Variants in BNC2 observed in about 807,000 individuals in gnomAD.
BNC2 encodes zinc finger protein basonuclin-2.
Under a neutral mutation model 76.3 loss-of-function variants are expected in BNC2, and 20 were observed. The ratio of observed to expected loss-of-function variants is 0.26; its 90% CI spans 0.18 to 0.38. The LOEUF (loss-of-function observed/expected upper bound fraction) is 0.38, where lower values mean the gene tolerates loss of function less well. BNC2 is among the 10% of genes least tolerant of loss of function. BNC2 has a pLI of 1.00. For missense variants in BNC2, 1,382 were observed against 1,399.8 expected (o/e 0.99, Z 0.20); for synonymous variants, 582 against 514.8 (o/e 1.13, Z -1.77).
intron 4 of BNC2, among the ~76,000 whole-genome samples, chr9:16,576,498 A>G (rs1819489655): frequency 6.6e-6 from 1 of 152,224 alleles, no homozygotes; most frequent in Admixed American, 6.5e-5. Context: ...AGAATATTAG[A>G]GAGTTACCAG....
At chr9:16,546,654 C>T (rs370545348) in intron 5 of BNC2, among the ~76,000 whole-genome samples, 4 of 152,102 alleles carry the variant, frequency 2.6e-5, no homozygotes, top group Admixed American at 1.3e-4. Flanking sequence ...AAAAGGAACA[C>T]GAAAGAGGAA....
chr9:16,448,867 T>C (rs1339767637), intron 5 of BNC2, among the ~76,000 whole-genome samples: 1 of 152,212 alleles, frequency 6.6e-6, no homozygotes, highest in Non-Finnish European at 1.5e-5. Flanking sequence ...TCAGATTAAA[T>C]GTGTTCCTAT....
At chr9:16,560,384 T>C (rs2132665090) in intron 4 of BNC2, among the ~76,000 whole-genome samples, 1 of 152,344 alleles carries the variant, frequency 6.6e-6, no homozygotes, top group South Asian at 2.1e-4. Flanking sequence ...TTTTATTTCT[T>C]GTTAATAGGA....
chr9:16,817,025 AGCC>A (rs1474598111), intron 1 of BNC2, among the ~76,000 whole-genome samples: 5 of 152,364 alleles, frequency 3.3e-5, no homozygotes, highest in Admixed American at 1.3e-4. Flanking sequence ...GTGAAGAGGC[AGCC>A]GCCTTTCCAT....
chr9:16,793,857 T>G (rs1309264338), intron 1 of BNC2, among the ~76,000 whole-genome samples: 1 of 99,262 alleles, frequency 1.0e-5, no homozygotes, highest in Non-Finnish European at 2.4e-5. Context: ...TTTTGTGGTT[T>G]TTGTTTTTTT....
intron 3 of BNC2, among the ~76,000 whole-genome samples, chr9:16,630,484 AC>A (rs1230684979): frequency 6.6e-6 from 1 of 152,220 alleles, no homozygotes; most frequent in East Asian, 1.9e-4. Context: ...TAAAATGAAT[AC>A]AAAAGACAAG....
intron 3 of BNC2, among the ~76,000 whole-genome samples, chr9:16,702,206 G>T (rs1268058996): frequency 6.6e-6 from 1 of 152,122 alleles, no homozygotes; most frequent in Non-Finnish European, 1.5e-5. Flanking sequence ...CGAAGCTTTA[G>T]TGTGGTCTTA....
chr9:16,804,919 G>A (rs562253693), intron 1 of BNC2, among the ~76,000 whole-genome samples: 16 of 151,944 alleles, frequency 1.1e-4, no homozygotes, highest in Non-Finnish European at 7.4e-5. Context: ...AAAATTAGCC[G>A]GGTGTGGTGG....
chr9:16,518,448 A>G (rs1817504990), intron 5 of BNC2, among the ~76,000 whole-genome samples: 1 of 152,100 alleles, frequency 6.6e-6, no homozygotes, highest in South Asian at 2.1e-4. Flanking sequence ...ATAATAAAAT[A>G]AAAATAGAAA....
intron 1 of BNC2, among the ~76,000 whole-genome samples, chr9:16,774,503 T>C (rs1825912034): frequency 6.6e-6 from 1 of 152,220 alleles, no homozygotes; most frequent in African/African-American, 2.4e-5. Flanking sequence ...TAGCTCAGGC[T>C]TCGAAAGACA....
intron 3 of BNC2, among the ~76,000 whole-genome samples, chr9:16,703,085 T>C (rs1362990927): frequency 1.3e-5 from 2 of 152,188 alleles, no homozygotes; most frequent in African/African-American, 4.8e-5. Context: ...AGAGATGTGA[T>C]ACTGGAGTAA....
intron 1 of BNC2, among the ~76,000 whole-genome samples, chr9:16,745,319 G>A (rs1824969960): frequency 2.6e-5 from 4 of 152,164 alleles, no homozygotes; most frequent in Non-Finnish European, 5.9e-5. Context: ...GTGTATGAGT[G>A]TGCATATGTT....
intron 1 of BNC2, among the ~76,000 whole-genome samples, chr9:16,822,763 T>C (rs555635876): frequency 3.3e-5 from 5 of 152,358 alleles, no homozygotes; most frequent in Admixed American, 1.3e-4. Flanking sequence ...ATATTCTAGC[T>C]GAAACTATTG....
chr9:16,568,182 A>G (rs554113965), intron 4 of BNC2, among the ~76,000 whole-genome samples: 3 of 152,152 alleles, frequency 2.0e-5, no homozygotes, highest in Non-Finnish European at 4.4e-5. Context: ...TCTGGATCCT[A>G]GACTACTATT....
intron 1 of BNC2, among the ~76,000 whole-genome samples, chr9:16,842,923 TG>T (rs1390720677): frequency 5.3e-5 from 8 of 152,174 alleles, no homozygotes; most frequent in Non-Finnish European, 1.2e-4. Flanking sequence ...AACTAATTTT[TG>T]TATTTTTAGT....
chr9:16,736,462 T>G (rs1324643878), intron 2 of BNC2, among the ~76,000 whole-genome samples: 1 of 150,978 alleles, frequency 6.6e-6, no homozygotes, highest in Non-Finnish European at 1.5e-5. Context: ...TATTATTGTT[T>G]ATTATTATGA....
intron 1 of BNC2, among the ~76,000 whole-genome samples, chr9:16,756,798 G>A (rs1206744761): frequency 6.6e-6 from 1 of 152,054 alleles, no homozygotes; most frequent in African/African-American, 2.4e-5. Context: ...AAATATCCTG[G>A]CTAACACAGT....
At chr9:16,685,200 G>A (rs181061900) in intron 3 of BNC2, among the ~76,000 whole-genome samples, 1 of 152,276 alleles carries the variant, frequency 6.6e-6, no homozygotes, top group African/African-American at 2.4e-5. Context: ...ATCACCTTGT[G>A]TGGTAAATCT....
intron 3 of BNC2, among the ~76,000 whole-genome samples, chr9:16,668,859 A>C (rs114077668): frequency 0.011 from 1,690 of 152,274 alleles, 28 homozygotes; most frequent in African/African-American, 0.039. Context: ...AAATTATTAT[A>C]ATTCAGAGCA....
Sources: gnomAD v4.1 joint callset for allele counts (sites outside exome capture counted in the v4.1 genomes callset) on GRCh38, gnomAD v4.1.1 for gene constraint, MANE v1.5 for transcripts, NCBI Gene and HGNC (gene_info 2026-07-23, HGNC 2026-07-21) for gene names.